Variants in LHFPL3 observed in about 807,000 individuals in gnomAD.
LHFPL3 encodes LHFPL tetraspan subfamily member 3 protein.
Under a neutral mutation model 19.3 loss-of-function variants are expected in LHFPL3, and 5 were observed. The observed-to-expected ratio is 0.26, with a 90% CI of 0.14 to 0.54. LHFPL3 has a LOEUF of 0.54. Among genes scored for constraint, LHFPL3 ranks in the 20% least tolerant of loss-of-function variants. The pLI, the probability that LHFPL3 is intolerant of heterozygous loss-of-function variation, is 0.94. For missense variants in LHFPL3, 249 were observed against 307.4 expected (o/e 0.81, Z 1.42); for synonymous variants, 133 against 126.2 (o/e 1.05, Z -0.36).
chr7:104,651,524 A>AG (rs375116858), intron 1 of LHFPL3, among the ~76,000 whole-genome samples: 157 of 152,310 alleles, frequency 1.0e-3, no homozygotes, highest in African/African-American at 3.5e-3. Context: ...TCAGCATTTC[A>AG]GTTTGTGAAG....
intron 2 of LHFPL3, among the ~76,000 whole-genome samples, chr7:104,853,941 A>C (rs1791455868): frequency 6.6e-6 from 1 of 152,244 alleles, no homozygotes; most frequent in Admixed American, 6.5e-5. Flanking sequence ...CAGAGAAAAA[A>C]AGGAAGAAAC....
intron 1 of LHFPL3, among the ~76,000 whole-genome samples, chr7:104,606,740 T>G (rs1369875798): frequency 6.6e-6 from 1 of 152,132 alleles, no homozygotes; most frequent in African/African-American, 2.4e-5. Flanking sequence ...ATCACTCAAA[T>G]CAGTATCCCT....
intron 1 of LHFPL3, among the ~76,000 whole-genome samples, chr7:104,673,967 G>A (rs916013986): frequency 6.7e-6 from 1 of 148,938 alleles, no homozygotes; most frequent in East Asian, 1.9e-4. Context: ...ACTGGGTGCT[G>A]GAAAGAATGT....
chr7:104,746,627 A>G lies in LHFPL3; in HGVS notation c.682+9716A>G, dbSNP rs552672177. Among the ~76,000 whole-genome samples, 5 of 152,368 alleles carry G rather than the reference A, an allele frequency of 3.3e-5. No homozygotes were observed. In the East Asian group the frequency reaches 9.6e-4, roughly 29 times the overall value. On this transcript the variant is annotated intron_variant, in intron 2 of 2. Transcript: ENST00000424859. ...TTTATTGTTGCCTTTTCTTGGAAAC[A>G]GAGCTCTCTGCCAGCCTTGGGAAAC...
At chr7:104,742,427 A>G (rs189496812) in intron 2 of LHFPL3, among the ~76,000 whole-genome samples, 51 of 152,330 alleles carry the variant, frequency 3.3e-4, no homozygotes, top group Admixed American at 9.2e-4. Context: ...TTTCAATGCT[A>G]TAGTGGAGGA....
chr7:104,557,039 A>C (rs1407134957), intron 1 of LHFPL3, among the ~76,000 whole-genome samples: 2 of 152,194 alleles, frequency 1.3e-5, no homozygotes, highest in African/African-American at 4.8e-5. Flanking sequence ...GTCATTGTCC[A>C]TATTATTATC....
At chr7:104,667,441 G>T (rs1040163292) in intron 1 of LHFPL3, among the ~76,000 whole-genome samples, 1 of 152,158 alleles carries the variant, frequency 6.6e-6, no homozygotes, top group Non-Finnish European at 1.5e-5. Context: ...ACTTTTCAAG[G>T]CTCACATCCC....
chr7:104,783,013 A>T (rs2116427547), intron 2 of LHFPL3, among the ~76,000 whole-genome samples: 1 of 152,376 alleles, frequency 6.6e-6, no homozygotes, highest in East Asian at 1.9e-4. Flanking sequence ...GGCTTAAAGA[A>T]ATGGTTCTCA....
intron 2 of LHFPL3, among the ~76,000 whole-genome samples, chr7:104,877,892 G>A (rs961379224): frequency 6.6e-6 from 1 of 151,420 alleles, no homozygotes; most frequent in Admixed American, 6.6e-5. Context: ...CGAGTGCAGT[G>A]GTGCAATCTC....
At chr7:104,787,502 ATGGCATTCTTCTCCTTG>A (rs1229957854) in intron 2 of LHFPL3, among the ~76,000 whole-genome samples, 11 of 152,200 alleles carry the variant, frequency 7.2e-5, no homozygotes, top group Non-Finnish European at 1.5e-4. Context: ...GCTTCCATAG[ATGGCATTCTTCTCCTTG>A]CATCCTCACA....
chr7:104,469,761 T>C (rs890150667), intron 1 of LHFPL3, among the ~76,000 whole-genome samples: 17 of 152,162 alleles, frequency 1.1e-4, no homozygotes, highest in Middle Eastern at 3.2e-3. Context: ...GGAAAAATGG[T>C]TATCAGAGAA....
chr7:104,336,255 G>A (rs916147036), intron 1 of LHFPL3, among the ~76,000 whole-genome samples: 3 of 152,118 alleles, frequency 2.0e-5, no homozygotes, highest in African/African-American at 7.2e-5. Context: ...ATAGCAAATA[G>A]TAGATAAGTT....
chr7:104,567,410 G>A (rs972771720), intron 1 of LHFPL3, among the ~76,000 whole-genome samples: 2 of 152,160 alleles, frequency 1.3e-5, no homozygotes, highest in African/African-American at 4.8e-5. Flanking sequence ...ATATACCCAT[G>A]TGTTTAGGGT....
intron 1 of LHFPL3, among the ~76,000 whole-genome samples, chr7:104,599,864 T>A (rs2115688798): frequency 6.6e-6 from 1 of 152,314 alleles, no homozygotes; most frequent in African/African-American, 2.4e-5. Flanking sequence ...ATGAGGCCAG[T>A]GATCATCAAG....
chr7:104,780,241 C>A (rs77681230), intron 2 of LHFPL3, among the ~76,000 whole-genome samples: 1 of 151,740 alleles, frequency 6.6e-6, no homozygotes, highest in East Asian at 1.9e-4. Flanking sequence ...AACGAAGAAG[C>A]CTTGAAAGAA....
chr7:104,467,809 G>A (rs1792822546), intron 1 of LHFPL3, among the ~76,000 whole-genome samples: 3 of 152,144 alleles, frequency 2.0e-5, no homozygotes, highest in African/African-American at 7.2e-5. Flanking sequence ...AAGTCATTTG[G>A]TTTATTTATT....
intron 1 of LHFPL3, among the ~76,000 whole-genome samples, chr7:104,693,748 T>C (rs1436010329): frequency 4.0e-5 from 6 of 151,338 alleles, no homozygotes; most frequent in Non-Finnish European, 7.4e-5. Flanking sequence ...TCCTCCCAAG[T>C]AGCTGGGACT....
chr7:104,572,373 G>A (rs1198039933), intron 1 of LHFPL3, among the ~76,000 whole-genome samples: 1 of 152,176 alleles, frequency 6.6e-6, no homozygotes, highest in South Asian at 2.1e-4. Context: ...GAATTTAGGC[G>A]AGGTAAATGA....
At chr7:104,818,387 T>TAAA (rs74273539) in intron 2 of LHFPL3, among the ~76,000 whole-genome samples, 4 of 131,376 alleles carry the variant, frequency 3.0e-5, no homozygotes, top group Non-Finnish European at 4.9e-5. Context: ...CTTCTCTCAT[T>TAAA]AAAAAAAAAA....
Sources: allele counts gnomAD v4.1 joint callset (sites outside exome capture counted in the v4.1 genomes callset), GRCh38; gene constraint gnomAD v4.1.1; transcripts MANE v1.5; gene names NCBI Gene and HGNC (gene_info 2026-07-23, HGNC 2026-07-21).